Variants in DAP3 observed in about 807,000 individuals in gnomAD.
DAP3 encodes small ribosomal subunit protein mS29.
Under a neutral mutation model 51.9 loss-of-function variants are expected in DAP3, and 28 were observed. That is an observed-to-expected ratio of 0.54 (90% CI 0.40 to 0.74). The LOEUF (loss-of-function observed/expected upper bound fraction) is 0.74, where lower values mean the gene tolerates loss of function less well. DAP3 is among the 30% of genes least tolerant of loss of function. DAP3 has a pLI of 0.00. For synonymous variants in DAP3, 170 were observed against 170.3 expected (o/e 1.00, Z 0.01); for missense variants, 458 against 483.5 (o/e 0.95, Z 0.49).
At chr1:155,729,418 G>C in intron 9 of DAP3, 52 bp downstream of exon 9, 1 of 1,598,886 alleles carries the variant, frequency 6.3e-7, no homozygotes, top group Non-Finnish European at 8.5e-7. Flanking sequence ...GATTCCATCA[G>C]TATGGAGGCT....
In DAP3 at chr1:155,690,319, A is replaced by C. The variant is rs139624038; in HGVS notation, c.-8+1145A>C. ...GTAATCTCAGCACTTTGGGAGGCGG[A>C]GGAGGGCGCATTGCTTGAGCCTAGG... On this transcript the variant is annotated intron_variant, in intron 1 of 12. Coordinates refer to ENST00000368336, the MANE Select transcript of DAP3 (RefSeq NM_004632.4). 4.2e-5 allele frequency among the ~76,000 whole-genome samples: 6 copies of C among 141,194 alleles called. No homozygotes were observed. In the East Asian group the frequency reaches 1.2e-3, roughly 27 times the overall value. 92.6% of individuals were successfully genotyped at this position (141,194 alleles called of 152,430 possible). A position where few individuals can be genotyped will look rare whatever the true frequency, so the allele number is the denominator to read the frequency against.
intron 2 of DAP3, among the ~76,000 whole-genome samples, chr1:155,716,530 G>A (rs1341533767): frequency 1.3e-5 from 2 of 151,594 alleles, no homozygotes; most frequent in South Asian, 2.1e-4. Flanking sequence ...CCGAGATCGC[G>A]CCACTGCACT....
chr1:155,737,532 A>T (rs1659930415), intron 12 of DAP3, among the ~76,000 whole-genome samples: 4 of 152,326 alleles, frequency 2.6e-5, no homozygotes. Context: ...GACTGAAAGC[A>T]TTCCAACTGT....
chr1:155,718,705 A>AAGATAGATAGATAGATAGAT (rs61332895), intron 3 of DAP3, among the ~76,000 whole-genome samples: 6 of 140,896 alleles, frequency 4.3e-5, no homozygotes, highest in Admixed American at 7.3e-5. Flanking sequence ...AAAAGAAAGA[A>AAGATAGATAGATAGATAGAT]AGATAGATAG....
rs111423954 is a variant in DAP3, at chr1:155,707,245, T to G, written c.-7-2528T>G. ...TGGCTAACATGGTGAAACCCCGTCA[T>G]TACTAAAAATACAAAAAATTAGCGG... is the stretch of plus-strand genomic sequence containing the variant. On this transcript the variant is annotated intron_variant, in intron 1 of 12. Coordinates refer to ENST00000368336, the MANE Select transcript of DAP3 (RefSeq NM_004632.4). 6.1e-3 allele frequency among the ~76,000 whole-genome samples: 859 copies of G among 139,842 alleles called. 7 individuals are homozygous for G. The highest frequency in any genetic ancestry group is 0.022 in the African/African-American group (815 of 37,860). The allele number at this position is 139,842 out of a possible 152,430, so 91.7% of individuals were successfully genotyped here.
chr1:155,721,400 GTA>G (rs58709945), intron 3 of DAP3, 115 bp from the exon 4 acceptor site: 50,041 of 390,376 alleles, frequency 0.13, 233 homozygotes, highest in East Asian at 0.18. Context: ...ATGTATGTAT[GTA>G]TATATATATA....
chr1:155,729,723 G>A (rs530931986), intron 9 of DAP3, among the ~76,000 whole-genome samples: 16 of 152,260 alleles, frequency 1.1e-4, no homozygotes, highest in African/African-American at 3.9e-4. Flanking sequence ...GTTCAAGGTT[G>A]TAGTGTGGCA....
chr1:155,688,358 T>C, upstream of DAP3: 1 of 1,547,190 alleles, frequency 6.5e-7, no homozygotes. Context: ...CCGCGGCAGC[T>C]CCTCCAGAGG....
At chr1:155,724,908 C>T (rs1210509467) in intron 4 of DAP3, among the ~76,000 whole-genome samples, 5 of 150,678 alleles carry the variant, frequency 3.3e-5, no homozygotes, top group African/African-American at 7.3e-5. Context: ...GAGCCGAGAT[C>T]GTGCCATTGC....
chr1:155,697,038 C>G (rs1185479690), intron 1 of DAP3, among the ~76,000 whole-genome samples: 2 of 152,182 alleles, frequency 1.3e-5, no homozygotes, highest in East Asian at 1.9e-4. Context: ...ATTACATATA[C>G]TGGGGAATTC....
intron 12 of DAP3, 96 bp downstream of exon 12, chr1:155,737,159 C>T: frequency 1.2e-6 from 1 of 837,528 alleles, no homozygotes; most frequent in Non-Finnish European, 2.0e-6. Context: ...ACAACAGCCT[C>T]TAATTTGTAC....
rs778968624 is a variant in DAP3 at position 155,729,079 on chromosome 1, A to G, written c.641A>G (p.Glu214Gly). ...VQEKYVWNKRESTEKGSPLGE... is the reference protein window; with the variant it reads ...VQEKYVWNKRGSTEKGSPLGE... ...GAGAAGTATGTCTGGAATAAGAGAGAAAGCACTGAGAAAGGGAGTCCTCTG... is the reference window on the plus strand; with the variant it reads ...GAGAAGTATGTCTGGAATAAGAGAGGAAGCACTGAGAAAGGGAGTCCTCTG... The change falls in exon 8 of 13, where the codon GAA becomes GGA. Residue 214 changes from glutamate (E) to glycine (G), a missense_variant. Transcript: ENST00000368336. 6.2e-7 allele frequency: 1 copy of G among 1,614,092 alleles called. No homozygotes were observed. The highest frequency in any genetic ancestry group is 8.5e-7 in the Non-Finnish European group (1 of 1,180,032).
At chr1:155,726,784 C>CAA (rs530179771) in intron 6 of DAP3, 1,047 of 91,410 alleles carry the variant, frequency 0.011, 10 homozygotes, top group Non-Finnish European at 0.018. Context: ...GACCCTGTCT[C>CAA]AAAAAAAAAA....
chr1:155,711,457 C>CA (rs1439111476), intron 2 of DAP3, among the ~76,000 whole-genome samples: 1 of 151,962 alleles, frequency 6.6e-6, no homozygotes, highest in Non-Finnish European at 1.5e-5. Flanking sequence ...CACGCCACTG[C>CA]ACTCTAGCCT....
intron 4 of DAP3, among the ~76,000 whole-genome samples, chr1:155,723,196 C>G (rs1658191669): frequency 6.6e-6 from 1 of 152,056 alleles, no homozygotes; most frequent in African/African-American, 2.4e-5. Context: ...CTCTGACAAC[C>G]AGGCTGGAGT....
intron 1 of DAP3, among the ~76,000 whole-genome samples, chr1:155,708,743 C>T (rs1026066824): frequency 1.4e-5 from 2 of 144,100 alleles, no homozygotes; most frequent in East Asian, 2.0e-4. Flanking sequence ...CTTGCTCTGT[C>T]GCCCAGGCTG....
chr1:155,702,370 G>A (rs1218097120), intron 1 of DAP3, among the ~76,000 whole-genome samples: 2 of 152,106 alleles, frequency 1.3e-5, no homozygotes, highest in Non-Finnish European at 2.9e-5. Context: ...CTACTCGGGA[G>A]GCTGAGGCAG....
At chr1:155,717,965 G>A (rs1012671774) in intron 3 of DAP3, among the ~76,000 whole-genome samples, 1 of 152,110 alleles carries the variant, frequency 6.6e-6, no homozygotes, top group Non-Finnish European at 1.5e-5. Context: ...GTAATGTTAG[G>A]AACCAATAGC....
intron 11 of DAP3, 39 bp downstream of exon 11, chr1:155,732,072 A>G: frequency 6.6e-7 from 1 of 1,517,132 alleles, no homozygotes; most frequent in Admixed American, 2.1e-5. Context: ...TTAGATTGTT[A>G]TCCTGTTTAA....
Sources: gnomAD v4.1 joint callset for allele counts (sites outside exome capture counted in the v4.1 genomes callset) on GRCh38, gnomAD v4.1.1 for gene constraint, MANE v1.5 for transcripts, NCBI Gene and HGNC (gene_info 2026-07-23, HGNC 2026-07-21) for gene names.